Variants in RNF217 observed in about 807,000 individuals in gnomAD.
The protein encoded by RNF217 is E3 ubiquitin-protein ligase RNF217.
Under a neutral mutation model 57.8 loss-of-function variants are expected in RNF217, and 31 were observed. That is an observed-to-expected ratio of 0.54 (90% confidence interval 0.40 to 0.72). The LOEUF (loss-of-function observed/expected upper bound fraction) is 0.72, where lower values mean the gene tolerates loss of function less well. Among genes scored for constraint, RNF217 ranks in the 30% least tolerant of loss-of-function variants. The probability of loss-of-function intolerance (pLI) is 0.00; values close to 1 mark genes in which losing one functional copy is unlikely to be tolerated. For synonymous variants in RNF217, 313 were observed against 294.0 expected (o/e 1.06, Z -0.66); for missense variants, 696 against 708.3 (o/e 0.98, Z 0.20).
chr6:125,062,447 C>A (rs142734119), intron 3 of RNF217, among the ~76,000 whole-genome samples: 1 of 151,758 alleles, frequency 6.6e-6, no homozygotes, highest in African/African-American at 2.4e-5. Flanking sequence ...TTTTATAGTA[C>A]GATAAAAATA....
intron 1 of RNF217, among the ~76,000 whole-genome samples, chr6:125,028,561 A>T (rs1582726770): frequency 6.6e-6 from 1 of 152,250 alleles, no homozygotes; most frequent in East Asian, 1.9e-4. Flanking sequence ...GTTCCAAAAG[A>T]AATATGTTTC....
chr6:124,975,880 G>A (rs1036068972), intron 1 of RNF217, among the ~76,000 whole-genome samples: 6 of 152,034 alleles, frequency 3.9e-5, no homozygotes, highest in African/African-American at 1.4e-4. Flanking sequence ...CTTAACTTCA[G>A]TGTTTTAATT....
At chr6:125,004,923 AAAGAGATTGATTTGGCTT>A (rs1186512847) in intron 1 of RNF217, among the ~76,000 whole-genome samples, 1 of 152,202 alleles carries the variant, frequency 6.6e-6, no homozygotes, top group African/African-American at 2.4e-5. Flanking sequence ...TTTATAAAGA[AAAGAGATTGATTTGGCTT>A]ATGGTTCTGG....
At chr6:125,066,288 A>C (rs1021713283) in intron 3 of RNF217, among the ~76,000 whole-genome samples, 2 of 152,144 alleles carry the variant, frequency 1.3e-5, no homozygotes, top group African/African-American at 4.8e-5. Flanking sequence ...CTCTGCTCAA[A>C]ATTGTCTGTG....
intron 1 of RNF217, among the ~76,000 whole-genome samples, chr6:124,999,553 G>A (rs962025030): frequency 1.3e-5 from 2 of 151,732 alleles, no homozygotes; most frequent in Admixed American, 6.6e-5. Flanking sequence ...CTCATAGACT[G>A]TAGTTCTGCC....
chr6:124,991,931 TG>T (rs1362570240), intron 1 of RNF217, among the ~76,000 whole-genome samples: 3 of 152,172 alleles, frequency 2.0e-5, no homozygotes, highest in Non-Finnish European at 4.4e-5. Flanking sequence ...TAGACAGCCC[TG>T]GGCCCATGGA....
chr6:124,998,640 A>C (rs1784842836), intron 1 of RNF217, among the ~76,000 whole-genome samples: 1 of 152,076 alleles, frequency 6.6e-6, no homozygotes, highest in Non-Finnish European at 1.5e-5. Context: ...TCTAACTAAA[A>C]ATACAAAAAA....
chr6:125,068,580 T>A (rs1788023850), intron 3 of RNF217, among the ~76,000 whole-genome samples: 1 of 152,222 alleles, frequency 6.6e-6, no homozygotes, highest in Non-Finnish European at 1.5e-5. Context: ...ATGTCAGACT[T>A]TATCAGTGAG....
chr6:124,970,408 A>G (rs1783720650), intron 1 of RNF217, among the ~76,000 whole-genome samples: 1 of 152,224 alleles, frequency 6.6e-6, no homozygotes, highest in Non-Finnish European at 1.5e-5. Flanking sequence ...ATGATTGCAC[A>G]TGGGATGAGA....
In RNF217 at chr6:124,963,010, T is replaced by C. The variant is rs369366640; in HGVS notation, c.466T>C (p.Ser156Pro). 679 of 1,595,166 alleles carry C rather than the reference T, an allele frequency of 4.3e-4. 3 individuals carry two copies. The African/African-American group carries it at 8.1e-3, about 19-fold the overall frequency. ...GGACGTGCTGGGTCAGCGGCGCCCGTCCCTCGCCAAGAGACAAGTCTTCTG... is the reference window on the plus strand; with the variant it reads ...GGACGTGCTGGGTCAGCGGCGCCCGCCCCTCGCCAAGAGACAAGTCTTCTG... The part of the protein sequence containing the change: ...VLDVLGQRRP[S>P]LAKRQVFCSV... Residue 156 changes from serine to proline, a missense_variant, in exon 1 of 6, where the codon TCC (serine) becomes CCC (proline). Around this residue, in one of 2 missense-constraint regions of RNF217, gnomAD observed 465 missense variants for 386.8 expected, o/e 1.20. Transcript: ENST00000521654.
chr6:124,972,081 A>G (rs910187752), intron 1 of RNF217, among the ~76,000 whole-genome samples: 2 of 152,088 alleles, frequency 1.3e-5, no homozygotes, highest in Non-Finnish European at 2.9e-5. Flanking sequence ...TCTCAAAACT[A>G]AATCCCCCTT....
At chr6:124,992,497 T>C (rs1784596062) in intron 1 of RNF217, among the ~76,000 whole-genome samples, 1 of 152,018 alleles carries the variant, frequency 6.6e-6, no homozygotes, top group African/African-American at 2.4e-5. Flanking sequence ...GTAATGGCTG[T>C]TCTGCTAACA....
Position 125,045,303 on chromosome 6 carries a change from A to C in RNF217, c.975A>C (p.Glu325Asp). Residue 325 changes from glutamate to aspartate, a missense_variant, in exon 2 of 6, where the codon GAA becomes GAC. Around this residue, in one of 2 missense-constraint regions of RNF217, gnomAD observed 231 missense variants for 321.4 expected, o/e 0.72. Coordinates refer to ENST00000521654, the MANE Select transcript of RNF217 (RefSeq NM_001286398.3). ...ETTVVYNLTH[E>D]DSIKYKYFLE... is the part of the protein sequence containing the mutation. ...CTGTTGTCTATAACTTAACGCATGAAGACTCCATCAAGTATAAGTACTTCT... is the reference window on the plus strand; with the variant it reads ...CTGTTGTCTATAACTTAACGCATGACGACTCCATCAAGTATAAGTACTTCT... 1.9e-6 allele frequency: 3 copies of C among 1,613,418 alleles called. No homozygotes were observed. Among genetic ancestry groups the C allele is most frequent in the Non-Finnish European group, 2.5e-6 (3 of 1,179,564 alleles).
intron 5 of RNF217, among the ~76,000 whole-genome samples, chr6:125,081,930 G>A (rs1788591362): frequency 6.6e-6 from 1 of 152,078 alleles, no homozygotes; most frequent in Admixed American, 6.6e-5. Context: ...TAATGTCAGT[G>A]TGTACAGGAA....
intron 3 of RNF217, among the ~76,000 whole-genome samples, chr6:125,073,510 T>C (rs1233264222): frequency 6.6e-6 from 1 of 152,186 alleles, no homozygotes; most frequent in African/African-American, 2.4e-5. Flanking sequence ...CCACTGCTAC[T>C]GGTCTGTCAT....
chr6:125,037,927 T>G (rs1334984062), intron 1 of RNF217, among the ~76,000 whole-genome samples: 1 of 152,170 alleles, frequency 6.6e-6, no homozygotes, highest in Non-Finnish European at 1.5e-5. Context: ...AGTCATAAAC[T>G]ACACATTTGA....
chr6:125,020,717 A>G (rs906618378), intron 1 of RNF217, among the ~76,000 whole-genome samples: 4 of 152,124 alleles, frequency 2.6e-5, no homozygotes, highest in Non-Finnish European at 5.9e-5. Flanking sequence ...ATATTATATA[A>G]TCTCCATGAA....
chr6:125,009,409 CT>C (rs1444015212), intron 1 of RNF217: 2 of 597,560 alleles, frequency 3.3e-6, no homozygotes, highest in Non-Finnish European at 6.0e-6. Flanking sequence ...TTTCACTTTC[CT>C]TGAGTATAAG....
chr6:124,997,930 T>C (rs1255965830), intron 1 of RNF217, among the ~76,000 whole-genome samples: 1 of 152,224 alleles, frequency 6.6e-6, no homozygotes, highest in Non-Finnish European at 1.5e-5. Context: ...TGTTCTTATG[T>C]GACGGTGACT....
Sources: gnomAD v4.1 joint callset for allele counts (sites outside exome capture counted in the v4.1 genomes callset) on GRCh38, gnomAD v4.1.1 for gene constraint, gnomAD v4.1.1 regional missense constraint, MANE v1.5 for transcripts, NCBI Gene and HGNC (gene_info 2026-07-23, HGNC 2026-07-21) for gene names.